CREM: variants seen among roughly 807,000 people sequenced by gnomAD.
CREM encodes cAMP responsive element modulator.
A neutral mutation model predicts 37.3 loss-of-function variants in CREM; 13 were observed. The observed-to-expected ratio is 0.35, with a 90% CI of 0.23 to 0.55. The LOEUF (loss-of-function observed/expected upper bound fraction) is 0.55, where lower values mean the gene tolerates loss of function less well. Among genes scored for constraint, CREM ranks in the 20% least tolerant of loss-of-function variants. The pLI, the probability that CREM is intolerant of heterozygous loss-of-function variation, is 0.88. For synonymous variants in CREM, 124 were observed against 120.2 expected (o/e 1.03, Z -0.21); for missense variants, 296 against 362.3 (o/e 0.82, Z 1.49).
At chr10:35,197,358 C>T (rs2095228413) in intron 6 of CREM, among the ~76,000 whole-genome samples, 1 of 151,844 alleles carries the variant, frequency 6.6e-6, no homozygotes, top group African/African-American at 2.4e-5. Flanking sequence ...AAAATCTGGT[C>T]ATTTCTTACA....
chr10:35,127,429 C>G (rs1454429865), intron 1 of CREM: 2 of 152,136 alleles, frequency 1.3e-5, no homozygotes, highest in African/African-American at 4.8e-5. Flanking sequence ...CTCGCCGCCC[C>G]ACGCCCGCTT....
chr10:35,157,156 T>G (rs2136234589), intron 3 of CREM, among the ~76,000 whole-genome samples: 1 of 152,270 alleles, frequency 6.6e-6, no homozygotes, highest in Non-Finnish European at 1.5e-5. Context: ...TATCATCATC[T>G]CAATACATGC....
At chr10:35,164,087 T>C (rs564179799) in intron 3 of CREM, among the ~76,000 whole-genome samples, 1 of 152,144 alleles carries the variant, frequency 6.6e-6, no homozygotes, top group Middle Eastern at 3.4e-3. Context: ...TACTATATTT[T>C]AATACTAGAT....
intron 6 of CREM, chr10:35,201,611 C>A: frequency 1.6e-6 from 2 of 1,246,986 alleles, no homozygotes; most frequent in Non-Finnish European, 2.2e-6. Flanking sequence ...TAGGAATTTT[C>A]TTTTCCCATG....
chr10:35,196,026 T>C (rs756816397), intron 6 of CREM: 1 of 1,612,764 alleles, frequency 6.2e-7, no homozygotes, highest in African/African-American at 1.3e-5. Flanking sequence ...AGTGGTTGTC[T>C]GCTTGAAGAG....
At chr10:35,136,524 T>A (rs1251809851) in intron 1 of CREM, among the ~76,000 whole-genome samples, 1 of 152,236 alleles carries the variant, frequency 6.6e-6, no homozygotes, top group East Asian at 1.9e-4. Flanking sequence ...AATGCCCTAC[T>A]GTCTCTTGTC....
chr10:35,129,113 A>G (rs925467844), intron 1 of CREM, among the ~76,000 whole-genome samples: 1 of 152,246 alleles, frequency 6.6e-6, no homozygotes, highest in Non-Finnish European at 1.5e-5. Flanking sequence ...ATAGATGAAT[A>G]TAACACTTAC....
chr10:35,195,055 G>C, intron 6 of CREM: 1 of 832,378 alleles, frequency 1.2e-6, no homozygotes, highest in Non-Finnish European at 1.9e-6. Context: ...AAAGCAAATT[G>C]ATGGCAGTGA....
Position 35,137,879 on chromosome 10 carries a change from G to C in CREM, c.44G>C (p.Arg15Thr), listed in dbSNP as rs370392413. 54 of 1,583,376 alleles carry C rather than the reference G, an allele frequency of 3.4e-5. No individual in the cohort carries two copies. The Middle Eastern group carries it at 6.7e-4, about 20-fold the overall frequency. The change falls in exon 2 of 8, where the codon AGA becomes ACA. Residue 15 changes from arginine to threonine, a missense_variant and splice_region_variant. By Grantham distance (71) the Arg-to-Thr change is moderately conservative. Transcript: ENST00000685392. ...ARKKYIKTNP[R>T]QMTMETVESQ... is the part of the protein sequence containing the mutation. Reference sequence around the variant, plus strand: ...AAAAAATATATTAAGACAAATCCAAGGTAGGTAGATGTACGTTTTTCTGTT... The same window carrying C: ...AAAAAATATATTAAGACAAATCCAACGTAGGTAGATGTACGTTTTTCTGTT...
At chr10:35,155,478 A>G (rs1371340763) in intron 3 of CREM, among the ~76,000 whole-genome samples, 3 of 152,218 alleles carry the variant, frequency 2.0e-5, no homozygotes, top group African/African-American at 7.2e-5. Flanking sequence ...AACTACACTT[A>G]AACAGTGAAT....
chr10:35,148,552 A>G, intron 3 of CREM, 61 bp downstream of exon 3: 5 of 1,542,564 alleles, frequency 3.2e-6, no homozygotes, highest in Non-Finnish European at 4.4e-6. Flanking sequence ...TTAGGTGCAG[A>G]TTCTGTTTTC....
chr10:35,140,704 C>T (rs553194550), intron 2 of CREM, among the ~76,000 whole-genome samples: 20 of 152,292 alleles, frequency 1.3e-4, no homozygotes, highest in African/African-American at 4.8e-4. Context: ...TAATTCTGCC[C>T]ATGGCTATTA....
intron 7 of CREM, chr10:35,209,456 C>A: frequency 1.4e-6 from 1 of 737,330 alleles, no homozygotes; most frequent in Non-Finnish European, 1.7e-6. Flanking sequence ...AATGTACCAT[C>A]TACTGATGTG....
intron 6 of CREM, among the ~76,000 whole-genome samples, chr10:35,198,052 G>T (rs886247374): frequency 1.3e-5 from 2 of 151,950 alleles, no homozygotes; most frequent in Admixed American, 6.6e-5. Context: ...TTCCTTTTCT[G>T]TCCTTTTTTT....
chr10:35,183,475 ACT>A (rs1456107421), intron 5 of CREM, among the ~76,000 whole-genome samples: 4 of 152,156 alleles, frequency 2.6e-5, no homozygotes, highest in Non-Finnish European at 5.9e-5. Flanking sequence ...ACTTAATGTA[ACT>A]CTGGCTTTTA....
intron 5 of CREM, among the ~76,000 whole-genome samples, chr10:35,187,136 AT>A (rs1309037375): frequency 0.017 from 1,247 of 75,204 alleles, 45 homozygotes; most frequent in African/African-American, 0.064. Flanking sequence ...ATATTAATAT[AT>A]TAATATATAA....
chr10:35,135,721 GAAAAAA>G (rs9336981), intron 1 of CREM, among the ~76,000 whole-genome samples: 1 of 50,562 alleles, frequency 2.0e-5, no homozygotes, highest in Non-Finnish European at 3.7e-5. Flanking sequence ...CCTATTTCTG[GAAAAAA>G]AAAAAAAAAA....
intron 7 of CREM, among the ~76,000 whole-genome samples, chr10:35,209,059 C>G (rs1343835639): frequency 2.0e-5 from 3 of 152,142 alleles, no homozygotes; most frequent in Non-Finnish European, 4.4e-5. Context: ...TCACATGGCC[C>G]AAACTGGGCA....
chr10:35,211,040 A>G (rs1311606427), intron 7 of CREM, among the ~76,000 whole-genome samples: 3 of 152,226 alleles, frequency 2.0e-5, no homozygotes, highest in African/African-American at 7.2e-5. Context: ...ACCATTTGTG[A>G]TGAATGCTGG....
Sources: allele counts gnomAD v4.1 joint callset (sites outside exome capture counted in the v4.1 genomes callset), GRCh38; gene constraint gnomAD v4.1.1; transcripts MANE v1.5; gene names NCBI Gene and HGNC (gene_info 2026-07-23, HGNC 2026-07-21).